UNC5D: variants seen among roughly 807,000 people sequenced by gnomAD.
The protein encoded by UNC5D is unc-5 netrin receptor D.
Under a neutral mutation model 105.4 loss-of-function variants are expected in UNC5D, and 39 were observed. The ratio of observed to expected loss-of-function variants is 0.37; its 90% CI spans 0.29 to 0.48. The LOEUF is 0.48. Ranked by LOEUF, UNC5D falls within the 20% of genes least tolerant of loss-of-function variation. The pLI, the probability that UNC5D is intolerant of heterozygous loss-of-function variation, is 0.98. For missense variants in UNC5D, 991 were observed against 1,202.4 expected, an observed-to-expected ratio of 0.82 and a Z score of 2.60; for synonymous variants, 452 against 450.4, an observed-to-expected ratio of 1.00 and a Z score of -0.04.
At chr8:35,324,097 G>A (rs1383859614) in intron 1 of UNC5D, among the ~76,000 whole-genome samples, 1 of 151,824 alleles carries the variant, frequency 6.6e-6, no homozygotes, top group Non-Finnish European at 1.5e-5. Context: ...AGGCGTGGTG[G>A]CATCCACCTA....
chr8:35,515,344 C>G (rs992011332), intron 1 of UNC5D, among the ~76,000 whole-genome samples: 1 of 152,172 alleles, frequency 6.6e-6, no homozygotes, highest in Non-Finnish European at 1.5e-5. Context: ...ATATTTCTCT[C>G]TAGTTTATTT....
chr8:35,534,297 T>C (rs561572495), intron 1 of UNC5D, among the ~76,000 whole-genome samples: 153 of 152,302 alleles, frequency 1.0e-3, no homozygotes, highest in Admixed American at 4.4e-3. Flanking sequence ...GTTTCCATCC[T>C]ACTGTCAACT....
intron 1 of UNC5D, among the ~76,000 whole-genome samples, chr8:35,392,312 A>G (rs1563372191): frequency 6.6e-6 from 1 of 152,144 alleles, no homozygotes; most frequent in Non-Finnish European, 1.5e-5. Flanking sequence ...GCCCTAGGCA[A>G]CTGACCCTCC....
chr8:35,312,972 C>T (rs1330605606), intron 1 of UNC5D, among the ~76,000 whole-genome samples: 2 of 152,194 alleles, frequency 1.3e-5, no homozygotes, highest in African/African-American at 2.4e-5. Context: ...CGTTTTGTAT[C>T]AGATGGTGAG....
rs188116537 is a variant in UNC5D, at chr8:35,705,700, T to C, written c.1085-229T>C. Among the ~76,000 whole-genome samples, 201 of 152,236 alleles carry C rather than the reference T, an allele frequency of 1.3e-3. 2 individuals are homozygous for C. The highest frequency in any genetic ancestry group is 0.013 in the South Asian group (61 of 4,822). On this transcript the variant is annotated intron_variant, in intron 7 of 16. Coordinates refer to ENST00000404895, the MANE Select transcript of UNC5D (RefSeq NM_080872.4). Reference sequence around the variant, plus strand: ...AAATGCTAGTAAACCCACAAGAAAATAAATTTTTAAATGATGAAGTAATCA... The same window carrying C: ...AAATGCTAGTAAACCCACAAGAAAACAAATTTTTAAATGATGAAGTAATCA...
chr8:35,358,585 C>A (rs532730614), intron 1 of UNC5D, among the ~76,000 whole-genome samples: 1 of 152,178 alleles, frequency 6.6e-6, no homozygotes, highest in South Asian at 2.1e-4. Context: ...AGCAAACCAC[C>A]ATGGCACATG....
intron 1 of UNC5D, among the ~76,000 whole-genome samples, chr8:35,331,127 A>G (rs1010552344): frequency 4.6e-5 from 7 of 152,172 alleles, no homozygotes; most frequent in African/African-American, 1.7e-4. Context: ...AGATTAAGAG[A>G]CAGGAAAAAG....
chr8:35,782,068 TG>T (rs1802526404), intron 16 of UNC5D, among the ~76,000 whole-genome samples: 1 of 152,202 alleles, frequency 6.6e-6, no homozygotes, highest in Non-Finnish European at 1.5e-5. Flanking sequence ...TGGAAGATAC[TG>T]GGGGACAGCA....
intron 1 of UNC5D, among the ~76,000 whole-genome samples, chr8:35,462,045 CT>C (rs2129672818): frequency 6.6e-6 from 1 of 152,242 alleles, no homozygotes; most frequent in East Asian, 1.9e-4. Flanking sequence ...GTCCTTAAAA[CT>C]TGCTCTAGTG....
chr8:35,657,072 GTGTGTGTGTATA>G (rs1257529551), intron 4 of UNC5D, among the ~76,000 whole-genome samples: 4 of 99,060 alleles, frequency 4.0e-5, no homozygotes, highest in African/African-American at 1.9e-4. Flanking sequence ...GTGTGTGTGT[GTGTGTGTGTATA>G]TATATATATA....
chr8:35,361,158 G>A (rs12056409), intron 1 of UNC5D, among the ~76,000 whole-genome samples: 67,904 of 151,706 alleles, frequency 0.45, 15,482 homozygotes, highest in East Asian at 0.7. Flanking sequence ...AGGTTCAATC[G>A]TCTGCTAATG....
At chr8:35,469,541 T>G (rs562779493) in intron 1 of UNC5D, among the ~76,000 whole-genome samples, 15 of 152,320 alleles carry the variant, frequency 9.8e-5, no homozygotes, top group South Asian at 2.1e-4. Flanking sequence ...TTAATAACTT[T>G]CTTTGCTTTG....
In UNC5D at chr8:35,723,401, T is replaced by G. The variant is rs7835178; in HGVS notation, c.1303+1006T>G. Among the ~76,000 whole-genome samples, 1,288 of 152,266 alleles carry G rather than the reference T, an allele frequency of 8.5e-3. 21 individuals are homozygous for G. The highest frequency in any genetic ancestry group is 0.029 in the African/African-American group (1,219 of 41,556). On this transcript the variant is annotated intron_variant, in intron 9 of 16. Coordinates refer to ENST00000404895, the MANE Select transcript of UNC5D (RefSeq NM_080872.4). ...ATATAGTTTAGTATATGTAGTTAAT[T>G]GGAAATAAATCCAAATATAGAACTG...
At chr8:35,245,965 C>T (rs1367393431) in intron 1 of UNC5D, among the ~76,000 whole-genome samples, 3 of 152,142 alleles carry the variant, frequency 2.0e-5, no homozygotes, top group Admixed American at 6.5e-5. Context: ...TGCTAACCAT[C>T]ACTTCACTCT....
intron 4 of UNC5D, among the ~76,000 whole-genome samples, chr8:35,675,401 GAT>G (rs1307264042): frequency 6.6e-6 from 1 of 152,146 alleles, no homozygotes; most frequent in African/African-American, 2.4e-5. Flanking sequence ...AGATACTTGA[GAT>G]ATTGTTCATG....
At chr8:35,439,904 G>T (rs993974380) in intron 1 of UNC5D, among the ~76,000 whole-genome samples, 2 of 151,954 alleles carry the variant, frequency 1.3e-5, no homozygotes, top group African/African-American at 4.8e-5. Context: ...CTCTCAGGAT[G>T]GCGTATTTCA....
At chr8:35,474,738 G>A (rs528767038) in intron 1 of UNC5D, among the ~76,000 whole-genome samples, 1 of 152,260 alleles carries the variant, frequency 6.6e-6, no homozygotes, top group Non-Finnish European at 1.5e-5. Context: ...ATGTGAGCAG[G>A]AAATAACCTC....
intron 1 of UNC5D, among the ~76,000 whole-genome samples, chr8:35,506,446 G>A (rs1291330711): frequency 1.3e-5 from 2 of 152,144 alleles, no homozygotes; most frequent in Non-Finnish European, 2.9e-5. Context: ...GATAAAGAAT[G>A]TACTAGATAG....
In UNC5D at chr8:35,674,399, G is replaced by GTGTT. The variant is rs372187293; in HGVS notation, c.571-9144_571-9141dup. 2.7e-4 allele frequency among the ~76,000 whole-genome samples: 41 copies of GTGTT among 152,178 alleles called. 1 individual carries two copies. The highest frequency in any genetic ancestry group is 9.6e-4 in the African/African-American group (40 of 41,510). Reference sequence around the variant, plus strand: ...TTTATGTGTATAAATGTGTGTGAGTGTGTTTGTGTATGTGTGTGTGTATAT... The same window carrying GTGTT: ...TTTATGTGTATAAATGTGTGTGAGTGTGTTTGTTTGTGTATGTGTGTGTGTATAT... On this transcript the variant is annotated intron_variant, in intron 4 of 16. Transcript: ENST00000404895.
Sources: gnomAD v4.1 joint callset for allele counts (sites outside exome capture counted in the v4.1 genomes callset) on GRCh38, gnomAD v4.1.1 for gene constraint, MANE v1.5 for transcripts, NCBI Gene and HGNC (gene_info 2026-07-23, HGNC 2026-07-21) for gene names.